The following SGMS1 variants were observed in gnomAD, a reference collection of about 807,000 sequenced individuals.
SGMS1 encodes phosphatidylcholine:ceramide cholinephosphotransferase 1.
Under a neutral mutation model 46.2 loss-of-function variants are expected in SGMS1, and 13 were observed. That is an observed-to-expected ratio of 0.28 (90% CI 0.18 to 0.45). The LOEUF (loss-of-function observed/expected upper bound fraction) is 0.45, where lower values mean the gene tolerates loss of function less well. Ranked by LOEUF, SGMS1 falls within the 20% of genes least tolerant of loss-of-function variation. The probability of loss-of-function intolerance (pLI) is 1.00; values close to 1 mark genes in which losing one functional copy is unlikely to be tolerated. For synonymous variants in SGMS1, 203 were observed against 187.8 expected, an observed-to-expected ratio of 1.08 and a Z score of -0.66; for missense variants, 324 against 519.9, an observed-to-expected ratio of 0.62 and a Z score of 3.66.
At chr10:50,625,131 A>G, upstream of SGMS1, 1 of 918,564 alleles carries the variant, frequency 1.1e-6, no homozygotes, top group African/African-American at 1.8e-5. Context: ...GCTTGCCCAG[A>G]GGACAGGTTC....
chr10:50,570,214 A>G (rs1379987911), intron 2 of SGMS1, among the ~76,000 whole-genome samples: 1 of 152,182 alleles, frequency 6.6e-6, no homozygotes, highest in Admixed American at 6.5e-5. Flanking sequence ...TTGCAGAAAA[A>G]GCCACACGAC....
At chr10:50,586,749 G>A (rs1052568898) in intron 2 of SGMS1, among the ~76,000 whole-genome samples, 4 of 152,162 alleles carry the variant, frequency 2.6e-5, no homozygotes, top group African/African-American at 4.8e-5. Flanking sequence ...CAATCTTCTC[G>A]CTGCTGTCTA....
At chr10:50,362,673 C>T (rs1848268447) in intron 6 of SGMS1, among the ~76,000 whole-genome samples, 1 of 152,098 alleles carries the variant, frequency 6.6e-6, no homozygotes, top group African/African-American at 2.4e-5. Context: ...GGAAATGATC[C>T]ACCATGAGGG....
chr10:50,473,765 C>G (rs1837397824), intron 3 of SGMS1, among the ~76,000 whole-genome samples: 1 of 152,216 alleles, frequency 6.6e-6, no homozygotes, highest in Non-Finnish European at 1.5e-5. Flanking sequence ...GCCATATTCT[C>G]AGGCCCAGTT....
chr10:50,306,165 G>A lies in SGMS1; in HGVS notation c.*977C>T, dbSNP rs1847179893. The A allele has an allele frequency of 6.6e-6, 1 of 152,548 alleles. No homozygotes were observed. Among genetic ancestry groups the A allele is most frequent in the Non-Finnish European group, 1.5e-5 (1 of 67,992 alleles). The allele number at this position is 152,548 out of a possible 1,614,324, so 9.4% of individuals were successfully genotyped here. A position where few individuals can be genotyped will look rare whatever the true frequency, so the allele number is the denominator to read the frequency against. On this transcript the variant is annotated 3_prime_UTR_variant, in exon 11 of 11. Coordinates refer to ENST00000361781, the MANE Select transcript of SGMS1 (RefSeq NM_147156.4). ...AATCGACGATAAAATAATTTAAGTG[G>A]TACATGTCATTGCTACCTGATCACA...
rs971202059 is a variant in SGMS1, at chr10:50,438,982, G to A, written c.-312-5426C>T. The stretch of plus-strand genomic sequence containing the variant: ...ACACGTTTAGAACAGTAAGAGAACT[G>A]TGACCATTATATGAGCTATATTAAG... On this transcript the variant is annotated intron_variant, in intron 5 of 10. Transcript: ENST00000361781. Among the ~76,000 whole-genome samples, 3 of 152,316 alleles carry A rather than the reference G, an allele frequency of 2.0e-5. No homozygotes were observed. The South Asian group carries it at 6.2e-4, about 32-fold the overall frequency.
chr10:50,565,871 C>G (rs531814319), intron 2 of SGMS1, among the ~76,000 whole-genome samples: 3 of 152,316 alleles, frequency 2.0e-5, no homozygotes, highest in African/African-American at 7.2e-5. Context: ...CACTCAGGAC[C>G]TGGAAGCTGG....
At chr10:50,568,605 T>G (rs1409412770) in intron 2 of SGMS1, among the ~76,000 whole-genome samples, 1 of 152,156 alleles carries the variant, frequency 6.6e-6, no homozygotes, top group East Asian at 1.9e-4. Context: ...CTCAGGAGGC[T>G]GAGGCAGGAG....
chr10:50,544,346 A>C (rs1224663121), intron 2 of SGMS1, among the ~76,000 whole-genome samples: 1 of 152,176 alleles, frequency 6.6e-6, no homozygotes. Context: ...CACCATGACA[A>C]ATACAGGAAT....
At chr10:50,361,362 A>T (rs1193818143) in intron 6 of SGMS1, among the ~76,000 whole-genome samples, 2 of 152,036 alleles carry the variant, frequency 1.3e-5, no homozygotes, top group African/African-American at 4.8e-5. Flanking sequence ...AAGCAAGCAT[A>T]AACTAAAAAG....
intron 6 of SGMS1, among the ~76,000 whole-genome samples, chr10:50,400,728 G>A (rs1848925550): frequency 6.6e-6 from 1 of 152,092 alleles, no homozygotes; most frequent in Non-Finnish European, 1.5e-5. Context: ...GAGGAAAAAG[G>A]TAAGAAGTAC....
chr10:50,623,534 TGGA>T (rs1838877856), intron 1 of SGMS1, 170 bp downstream of exon 1: 42 of 973,762 alleles, frequency 4.3e-5, no homozygotes, highest in Non-Finnish European at 5.1e-5. Context: ...GCAGCAGCTC[TGGA>T]GGACTGCCCG....
chr10:50,603,287 T>C (rs1838665039), intron 1 of SGMS1, among the ~76,000 whole-genome samples: 1 of 152,226 alleles, frequency 6.6e-6, no homozygotes, highest in South Asian at 2.1e-4. Context: ...ATTGGTTCCA[T>C]TGCTGGTGAG....
At chr10:50,441,718 G>C (rs1056635143) in intron 5 of SGMS1, among the ~76,000 whole-genome samples, 1 of 152,098 alleles carries the variant, frequency 6.6e-6, no homozygotes. Context: ...TAAATAAAAC[G>C]CACACAGATA....
At chr10:50,320,353 T>C (rs1459740027) in intron 8 of SGMS1, among the ~76,000 whole-genome samples, 1 of 152,208 alleles carries the variant, frequency 6.6e-6, no homozygotes, top group South Asian at 2.1e-4. Context: ...CTGAACCAAC[T>C]GCAATTTTAT....
At chr10:50,504,725 T>C (rs1418920105) in intron 3 of SGMS1, among the ~76,000 whole-genome samples, 1 of 152,172 alleles carries the variant, frequency 6.6e-6, no homozygotes, top group Non-Finnish European at 1.5e-5. Context: ...TAATGGCGGT[T>C]GACTTATTTC....
Position 50,397,532 on chromosome 10 carries a change from G to C in SGMS1, c.-232+35944C>G, listed in dbSNP as rs866315214. ...ATCACAGCTCACTCTCTCGCCGAGAGAGAAAATGCCTATGTTTAAAAGTTC... is the reference window on the plus strand; with the variant it reads ...ATCACAGCTCACTCTCTCGCCGAGACAGAAAATGCCTATGTTTAAAAGTTC... On this transcript the variant is annotated intron_variant, in intron 6 of 10. Coordinates refer to ENST00000361781, the MANE Select transcript of SGMS1 (RefSeq NM_147156.4). Among the ~76,000 whole-genome samples, 2 of 152,200 alleles carry C rather than the reference G, an allele frequency of 1.3e-5. 1 individual carries two copies. The highest frequency in any genetic ancestry group is 4.1e-4 in the South Asian group (2 of 4,828).
At chr10:50,446,400 G>A (rs1837014825) in intron 5 of SGMS1, among the ~76,000 whole-genome samples, 1 of 152,004 alleles carries the variant, frequency 6.6e-6, no homozygotes, top group African/African-American at 2.4e-5. Flanking sequence ...TTCTCAAACA[G>A]GCCAACACTT....
At chr10:50,624,039 CG>C (rs1285047472), upstream of SGMS1, 11 of 984,946 alleles carry the variant, frequency 1.1e-5, no homozygotes, top group African/African-American at 1.8e-5. Context: ...TCACTGCGGC[CG>C]GGGGGGCGGG....
Sources: gnomAD v4.1 joint callset for allele counts (sites outside exome capture counted in the v4.1 genomes callset) on GRCh38, gnomAD v4.1.1 for gene constraint, MANE v1.5 for transcripts, NCBI Gene and HGNC (gene_info 2026-07-23, HGNC 2026-07-21) for gene names.